Variants in HHAT observed in about 807,000 individuals in gnomAD.
HHAT encodes the protein protein-cysteine N-palmitoyltransferase HHAT.
In HHAT, 47 loss-of-function variants were observed where a neutral mutation model predicts 70.8. That is an observed-to-expected ratio of 0.66 (90% CI 0.53 to 0.85). The LOEUF is 0.85. Ranked by LOEUF, HHAT falls within the 40% of genes least tolerant of loss-of-function variation. The probability of loss-of-function intolerance (pLI) is 0.00; values close to 1 mark genes in which losing one functional copy is unlikely to be tolerated. For synonymous variants in HHAT, 228 were observed against 247.6 expected (o/e 0.92, Z 0.74); for missense variants, 609 against 604.8 (o/e 1.01, Z -0.07).
At chr1:210,673,773 ATTTATTTATTTATTTAT>A (rs1558407429) in intron 11 of HHAT, among the ~76,000 whole-genome samples, 10 of 101,964 alleles carry the variant, frequency 9.8e-5, no homozygotes, top group African/African-American at 1.6e-4. Context: ...TTATTTATTT[ATTTATTTATTTATTTAT>A]TTATTTATTT....
intron 9 of HHAT, among the ~76,000 whole-genome samples, chr1:210,531,621 T>C (rs2148635209): frequency 6.6e-6 from 1 of 152,344 alleles, no homozygotes; most frequent in South Asian, 2.1e-4. Context: ...AATTTGCTAA[T>C]GTATGTAAAA....
chr1:210,655,390 T>C lies in HHAT; in HGVS notation c.1391-18898T>C, dbSNP rs540959091. Among the ~76,000 whole-genome samples the C allele has an allele frequency of 1.1e-4, 17 of 152,246 alleles. No individual in the cohort carries two copies. In the East Asian group the frequency reaches 3.3e-3, roughly 29 times the overall value. On this transcript the variant is annotated intron_variant, in intron 11 of 11. Transcript: ENST00000261458. ...CTGTCTCCTCTGACCCTGTAGACAA[T>C]TGGTTACTGGTGTTTGATTCTGAGC...
chr1:210,428,286 CTATATATATATATATATATATATATA>C (rs66516721), intron 7 of HHAT, among the ~76,000 whole-genome samples: 6,317 of 101,318 alleles, frequency 0.062, 329 homozygotes, highest in Non-Finnish European at 0.074. Flanking sequence ...TGAGCTTATA[CTATATATATATATATATATATATATA>C]TATATATATA....
At chr1:210,517,931 A>G (rs942903795) in intron 9 of HHAT, among the ~76,000 whole-genome samples, 23 of 152,152 alleles carry the variant, frequency 1.5e-4, no homozygotes, top group Non-Finnish European at 3.1e-4. Flanking sequence ...TCAGCAGGAT[A>G]ACATCATGAG....
chr1:210,647,475 C>T (rs1013241108), intron 11 of HHAT, among the ~76,000 whole-genome samples: 2 of 152,192 alleles, frequency 1.3e-5, no homozygotes, highest in Non-Finnish European at 2.9e-5. Context: ...CCACTGTAAC[C>T]AGCAGAGCTG....
intron 9 of HHAT, among the ~76,000 whole-genome samples, chr1:210,575,371 T>C (rs1328416911): frequency 6.6e-6 from 1 of 152,176 alleles, no homozygotes; most frequent in African/African-American, 2.4e-5. Flanking sequence ...TTCAAGGACC[T>C]TTTTATTAGC....
intron 9 of HHAT, among the ~76,000 whole-genome samples, chr1:210,553,809 C>T (rs575992838): frequency 2.0e-5 from 3 of 152,186 alleles, no homozygotes; most frequent in Non-Finnish European, 4.4e-5. Flanking sequence ...TCCCTCTTCC[C>T]ACCTCTTCCT....
intron 3 of HHAT, among the ~76,000 whole-genome samples, chr1:210,368,065 A>G (rs554756434): frequency 3.9e-5 from 6 of 152,208 alleles, no homozygotes; most frequent in African/African-American, 1.4e-4. Context: ...AGATAGGGGA[A>G]ATATTTCAGT....
At chr1:210,499,932 A>C (rs936837224) in intron 8 of HHAT, among the ~76,000 whole-genome samples, 1 of 152,248 alleles carries the variant, frequency 6.6e-6, no homozygotes, top group Non-Finnish European at 1.5e-5. Context: ...AATTAGAATG[A>C]GAATGATAAT....
At chr1:210,412,676 GGGTGCCTCTGGACACATGGT>G (rs2092598702) in intron 6 of HHAT, among the ~76,000 whole-genome samples, 1 of 152,204 alleles carries the variant, frequency 6.6e-6, no homozygotes, top group Admixed American at 6.5e-5. Flanking sequence ...AGACACACTG[GGGTGCCTCTGGACACATGGT>G]GGTGGGGAGG....
At chr1:210,379,457 C>T (rs560549324) in intron 3 of HHAT, among the ~76,000 whole-genome samples, 1 of 152,306 alleles carries the variant, frequency 6.6e-6, no homozygotes, top group African/African-American at 2.4e-5. Context: ...GCTGTACAAG[C>T]AGATATTTTC....
intron 11 of HHAT, among the ~76,000 whole-genome samples, chr1:210,650,003 C>A (rs1289510866): frequency 6.6e-6 from 1 of 152,146 alleles, no homozygotes; most frequent in Non-Finnish European, 1.5e-5. Context: ...TGTGAGATGT[C>A]AAAGAACATT....
intron 11 of HHAT, among the ~76,000 whole-genome samples, chr1:210,673,066 A>C (rs1030458128): frequency 4.6e-5 from 7 of 152,176 alleles, no homozygotes; most frequent in African/African-American, 1.7e-4. Flanking sequence ...AAATGTCAAA[A>C]ATTTAAATTT....
rs1453123714 is a variant in HHAT at position 210,550,830 on chromosome 1, C to A, written c.1044-37068C>A. ...GACTATAGGCATACGCTACCACCCCCAGATAATTTGTATTTTTAGTAGAGA... is the reference window on the plus strand; with the variant it reads ...GACTATAGGCATACGCTACCACCCCAAGATAATTTGTATTTTTAGTAGAGA... On this transcript the variant is annotated intron_variant, in intron 9 of 11. Coordinates refer to ENST00000261458, the MANE Select transcript of HHAT (RefSeq NM_018194.6). Among the ~76,000 whole-genome samples, 8 of 148,626 alleles carry A rather than the reference C, an allele frequency of 5.4e-5. 1 individual carries two copies. Among genetic ancestry groups the A allele is most frequent in the Non-Finnish European group, 8.8e-5 (6 of 67,848 alleles).
At chr1:210,496,380 C>A (rs1433781527) in intron 8 of HHAT, among the ~76,000 whole-genome samples, 3 of 152,102 alleles carry the variant, frequency 2.0e-5, no homozygotes, top group African/African-American at 7.2e-5. Flanking sequence ...GCCCCCAAGA[C>A]AGAAGATGCA....
intron 1 of HHAT, among the ~76,000 whole-genome samples, chr1:210,340,277 T>C (rs1057405110): frequency 8.8e-6 from 1 of 113,982 alleles, no homozygotes; most frequent in East Asian, 2.9e-4. Context: ...AAGACTCAAG[T>C]GGGGTTTGGA....
intron 1 of HHAT, among the ~76,000 whole-genome samples, chr1:210,346,532 G>T (rs1171945931): frequency 6.6e-6 from 1 of 152,354 alleles, no homozygotes; most frequent in Non-Finnish European, 1.5e-5. Flanking sequence ...AGAAAGTGTT[G>T]TTGAAATACT....
At chr1:210,404,338 A>C in intron 5 of HHAT, 126 bp from the exon 6 acceptor site, 2 of 670,566 alleles carry the variant, frequency 3.0e-6, no homozygotes, top group Non-Finnish European at 5.2e-6. Flanking sequence ...CTGAAGAAGA[A>C]ATTGCCTTCC....
intron 8 of HHAT, among the ~76,000 whole-genome samples, chr1:210,476,361 C>T (rs1159244444): frequency 6.6e-6 from 1 of 152,190 alleles, no homozygotes; most frequent in Non-Finnish European, 1.5e-5. Flanking sequence ...CTGCTAAGAA[C>T]CACAAACTGT....
Sources: allele counts gnomAD v4.1 joint callset (sites outside exome capture counted in the v4.1 genomes callset), GRCh38; gene constraint gnomAD v4.1.1; transcripts MANE v1.5; gene names NCBI Gene and HGNC (gene_info 2026-07-23, HGNC 2026-07-21).